TRPT1: variants seen among roughly 807,000 people sequenced by gnomAD.
TRPT1 encodes tRNA phosphotransferase 1, also known as tRNA 2'-phosphotransferase 1.
TRPT1 carries 22 observed loss-of-function variants against 28.4 expected under a neutral mutation model. The observed-to-expected ratio is 0.78, with a 90% CI of 0.55 to 1.11. The LOEUF is 1.11. TRPT1 is among the 50% of genes least tolerant of loss of function. TRPT1 has a pLI of 0.00. For missense variants in TRPT1, 308 were observed against 317.7 expected, an observed-to-expected ratio of 0.97 and a Z score of 0.23; for synonymous variants, 137 against 132.4, an observed-to-expected ratio of 1.03 and a Z score of -0.24.
chr11:64,224,922 C>A lies in TRPT1; in HGVS notation c.206G>T (p.Gly69Val). The change falls in exon 4 of 8, where the codon GGC becomes GTC. Residue 69 changes from glycine (G) to valine (V), a missense_variant. Gly to Val is a moderately radical substitution (Grantham distance 109, BLOSUM62 -3). Transcript: ENST00000317459. ...GCGCTGCACATCTTCAGCAGAGAAG[C>A]CGCGGAACTGGGGCAACTGCAGGAG... ...GTLLQLPQFR[G>V]FSAEDVQRVV... 6.3e-7 allele frequency: 1 copy of A among 1,585,552 alleles called. No individual in the cohort carries two copies. Among genetic ancestry groups the A allele is most frequent in the Non-Finnish European group, 8.6e-7 (1 of 1,166,214 alleles).
chr11:64,225,941 C>A lies in TRPT1; in HGVS notation c.-9-72G>T, dbSNP rs1946989460. On this transcript the variant is annotated intron_variant, in intron 1 of 7. Coordinates refer to ENST00000317459, the MANE Select transcript of TRPT1 (RefSeq NM_001033678.4). ...CGTCCCCATCCCTCCCAGAAAGTCA[C>A]AAAGCCTCAGGAAGTGAGCGCTGGG... is the stretch of plus-strand genomic sequence containing the variant. The A allele has an allele frequency of 4.3e-6, 4 of 931,206 alleles. 1 individual carries two copies. Among genetic ancestry groups the A allele is most frequent in the South Asian group, 4.3e-5 (3 of 70,484 alleles). The allele number at this position is 931,206 out of a possible 1,614,324, so 57.7% of individuals were successfully genotyped here.
Position 64,225,766 on chromosome 11 carries a change from G to C in TRPT1, c.75+20C>G. On this transcript the variant is annotated intron_variant, in intron 2 of 7. Transcript: ENST00000317459. Reference sequence around the variant, plus strand: ...CAGGGAGCCTGGACTGGTGGGAGGGGGTGGGGAGGAGGCGCGCACCTGTTC... The same window carrying C: ...CAGGGAGCCTGGACTGGTGGGAGGGCGTGGGGAGGAGGCGCGCACCTGTTC... 6.5e-7 allele frequency: 1 copy of C among 1,534,574 alleles called. No homozygotes were observed. The highest frequency in any genetic ancestry group is 2.0e-5 in the Admixed American group (1 of 50,736).
chr11:64,223,856 C>T lies in TRPT1; in HGVS notation c.*20G>A, dbSNP rs1403950992. ...TCTTTCTTGTTACTTTTTAAAATTT[C>T]TTTTTTATAAATTAATATTTTATTG... On this transcript the variant is annotated 3_prime_UTR_variant, in exon 8 of 8. Transcript: ENST00000317459. The T allele has an allele frequency of 6.6e-7, 1 of 1,504,926 alleles. No individual in the cohort carries two copies. The highest frequency in any genetic ancestry group is 9.0e-7 in the Non-Finnish European group (1 of 1,114,056). The allele number at this position is 1,504,926 out of a possible 1,614,324, so 93.2% of individuals were successfully genotyped here. A position where few individuals can be genotyped will look rare whatever the true frequency, so the allele number is the denominator to read the frequency against.
At chr11:64,225,454 G>C (rs751669465) in intron 3 of TRPT1, 45 bp downstream of exon 3, 3 of 1,549,254 alleles carry the variant, frequency 1.9e-6, no homozygotes, top group South Asian at 1.1e-5. Context: ...ACAGGCTCAC[G>C]TTTCTCTCTG....
intron 5 of TRPT1, 55 bp downstream of exon 5, chr11:64,224,488 G>C: frequency 6.4e-7 from 1 of 1,571,112 alleles, no homozygotes; most frequent in Non-Finnish European, 8.7e-7. Context: ...CCTTTGAAGG[G>C]GACCTGGGAG....
In TRPT1 at chr11:64,224,834, A is replaced by G. The variant is rs1946877746; in HGVS notation, c.294T>C (p.Leu98=). 3 of 1,613,710 alleles carry G rather than the reference A, an allele frequency of 1.9e-6. No homozygotes were observed. Among genetic ancestry groups the G allele is most frequent in the African/African-American group, 1.3e-5 (1 of 75,046 alleles). ...AATGGCCCTGGTTGGCCCGGATGAG[A>G]AGGCCAGTGCTGGGATCCCCCAGCT... The part of the protein sequence containing the change: ...ALQLGDPSTG[L]LIRANQGHSL... Residue 98 remains leucine, a synonymous_variant, in exon 4 of 8, where the codon CTT becomes CTC. Transcript: ENST00000317459.
rs1372757603 is a variant in TRPT1, at chr11:64,224,787, C to CA, written c.327+13_327+14insT. ...CCCTCCCATCTCGTCTCGCACTTGT[C>CA]CCCTCACCCCGACCTGCAGGGAATG... On this transcript the variant is annotated intron_variant, in intron 4 of 7. Transcript: ENST00000317459. 6.2e-7 allele frequency: 1 copy of CA among 1,613,032 alleles called. No homozygotes were observed. The highest frequency in any genetic ancestry group is 8.5e-7 in the Non-Finnish European group (1 of 1,179,410).
In TRPT1 at chr11:64,224,592, C is replaced by T. The variant is rs200750477; in HGVS notation, c.453G>A (p.Thr151=). The change falls in exon 5 of 8, where the codon ACG becomes ACA. Residue 151 remains threonine (T), a synonymous_variant. Transcript: ENST00000317459. ...LLKGLSCQGR[T]HIHLAPGLPG... ...GCAGTCCTGGGGCCAGGTGAATGTG[C>T]GTCCTTCCCTGGCAGGACAGGCCTT... 2.6e-5 allele frequency: 42 copies of T among 1,593,290 alleles called. 1 individual carries two copies. Among genetic ancestry groups the T allele is most frequent in the Non-Finnish European group, 3.2e-5 (37 of 1,168,706 alleles).
In TRPT1 at chr11:64,223,898, T is replaced by C; in HGVS notation, c.740A>G (p.Glu247Gly). The C allele has an allele frequency of 6.2e-7, 1 of 1,608,992 alleles. No individual in the cohort carries two copies. The highest frequency in any genetic ancestry group is 8.5e-7 in the Non-Finnish European group (1 of 1,177,548). Residue 247 changes from glutamate (E) to glycine (G), a missense_variant, in exon 8 of 8, where the codon GAA becomes GGA. Coordinates refer to ENST00000317459, the MANE Select transcript of TRPT1 (RefSeq NM_001033678.4). Reference sequence around the variant, plus strand: ...ATTTTATTGTTGGATCCTCCTCCTTTCTCTGGAGCTGTGCTTGGGGCTACT... The same window carrying C: ...ATTTTATTGTTGGATCCTCCTCCTTCCTCTGGAGCTGTGCTTGGGGCTACT... ...CQSSPKHSSR[E>G]RRRIQQ
At chr11:64,225,720 G>A in intron 2 of TRPT1, 66 bp downstream of exon 2, 5 of 1,415,766 alleles carry the variant, frequency 3.5e-6, no homozygotes, top group Non-Finnish European at 4.9e-6. Context: ...GGACCCTTCA[G>A]CTCCGCCCCC....
rs1406752019 is a variant in TRPT1 at position 64,225,818 on chromosome 11, T to C, written c.43A>G (p.Arg15Gly). 1.9e-6 allele frequency: 3 copies of C among 1,554,800 alleles called. No homozygotes were observed. The highest frequency in any genetic ancestry group is 1.4e-5 in the African/African-American group (1 of 73,716). ...CGGGGTCTGGGAGCCCTTCTACCCC[T>C]GGACCCTGCTGCTTCCTGCCTCCCT... ...GGGRQEAAGSRGRRAPRPREQ... is the reference protein window; with the variant it reads ...GGGRQEAAGSGGRRAPRPREQ... The change falls in exon 2 of 8, where the codon AGG becomes GGG. Residue 15 changes from arginine to glycine, a missense_variant. By Grantham distance (125) the Arg-to-Gly change is moderately radical. Coordinates refer to ENST00000317459, the MANE Select transcript of TRPT1 (RefSeq NM_001033678.4).
intron 1 of TRPT1, 29 bp from the exon 2 acceptor site, chr11:64,225,898 GCTTTAA>G: frequency 7.6e-7 from 1 of 1,317,758 alleles, no homozygotes; most frequent in Non-Finnish European, 1.1e-6. Context: ...AGGGGGGACT[GCTTTAA>G]GGCCCCTTCC....
At position 64,224,346 on chromosome 11, in the gene TRPT1, A is replaced by G. The variant is rs373880889; in HGVS notation, c.503-5T>C. On this transcript the variant is annotated splice_region_variant and splice_polypyrimidine_tract_variant and intron_variant, in intron 5 of 7. Coordinates refer to ENST00000317459, the MANE Select transcript of TRPT1 (RefSeq NM_001033678.4). ...TTTCACAATGGGACCGCATGCCTGC[A>G]GAGACAGCTGGAGCTGAGGCCTGGG... The G allele has an allele frequency of 1.2e-6, 2 of 1,613,550 alleles. No individual in the cohort carries two copies. The highest frequency in any genetic ancestry group is 2.7e-5 in the African/African-American group (2 of 74,934).
Position 64,224,844 on chromosome 11 carries a change from CTGG to C in TRPT1, c.281_283del (p.Pro94_Ser95delinsArg). 6.2e-7 allele frequency: 1 copy of C among 1,613,612 alleles called. No individual in the cohort carries two copies. Among genetic ancestry groups the C allele is most frequent in the Non-Finnish European group, 8.5e-7 (1 of 1,179,980 alleles). On this transcript the variant is annotated inframe_deletion, in exon 4 of 8. Transcript: ENST00000317459. ...GTTGGCCCGGATGAGAAGGCCAGTG[CTGG>C]GATCCCCCAGCTGCAGGGCGAACCG...
Position 64,223,952 on chromosome 11 carries a change from A to G in TRPT1, c.686T>C (p.Leu229Ser). The G allele has an allele frequency of 6.2e-7, 1 of 1,613,898 alleles. No individual in the cohort carries two copies. The highest frequency in any genetic ancestry group is 8.5e-7 in the Non-Finnish European group (1 of 1,179,828). ...QLRPTRKPLS[L>S]AGDEETECQS... is the part of the protein sequence containing the mutation. ...ACACTCTGTCTCTTCATCACCAGCC[A>G]AGGAAAGGGGCTTTCCTGATAAAGA... is the stretch of plus-strand genomic sequence containing the variant. Residue 229 changes from leucine (L) to serine (S), a missense_variant, in exon 8 of 8, where the codon TTG becomes TCG. Leu to Ser is a moderately radical substitution (Grantham distance 145, BLOSUM62 -2). Transcript: ENST00000317459.
At position 64,224,336 on chromosome 11, in the gene TRPT1, G is replaced by C; in HGVS notation, c.508C>G (p.Arg170Gly). The C allele has an allele frequency of 6.2e-7, 1 of 1,613,662 alleles. No individual in the cohort carries two copies. Among genetic ancestry groups the C allele is most frequent in the Non-Finnish European group, 8.5e-7 (1 of 1,180,022 alleles). Residue 170 changes from arginine to glycine, a missense_variant, in exon 6 of 8, where the codon CGG (arginine) becomes GGG (glycine). Arg to Gly is a moderately radical substitution (Grantham distance 125). Coordinates refer to ENST00000317459, the MANE Select transcript of TRPT1 (RefSeq NM_001033678.4). Reference sequence around the variant, plus strand: ...AACACAGCTATTTCACAATGGGACCGCATGCCTGCAGAGACAGCTGGAGCT... The same window carrying C: ...AACACAGCTATTTCACAATGGGACCCCATGCCTGCAGAGACAGCTGGAGCT... Reference protein sequence around the residue: ...PGDPGIISGMRSHCEIAVFID... With the variant: ...PGDPGIISGMGSHCEIAVFID...
chr11:64,225,023 G>T, intron 3 of TRPT1, 53 bp from the exon 4 acceptor site: 6 of 1,516,924 alleles, frequency 4.0e-6, no homozygotes, highest in Non-Finnish European at 5.3e-6. Context: ...CTGGGCCAGG[G>T]TTAACAGGGA....
chr11:64,225,909 C>G (rs1350080746), intron 1 of TRPT1, 40 bp from the exon 2 acceptor site: 2 of 1,173,696 alleles, frequency 1.7e-6, no homozygotes, highest in Non-Finnish European at 2.5e-6. Flanking sequence ...CTTTAAGGCC[C>G]CTTCCACGTC....
chr11:64,224,137 G>A lies in TRPT1; in HGVS notation c.633C>T (p.Pro211=), dbSNP rs1385916567. Residue 211 remains proline (P), a synonymous_variant, in exon 7 of 8, where the codon CCC becomes CCT. Transcript: ENST00000317459. ...GCTGCAGGGCCTCCTTGAAGTACTTGGGAAGGAGGAAGCCATCAGTATTCC... is the reference window on the plus strand; with the variant it reads ...GCTGCAGGGCCTCCTTGAAGTACTTAGGAAGGAGGAAGCCATCAGTATTCC... ...TPGNTDGFLL[P]KYFKEALQLR... 6.2e-7 allele frequency: 1 copy of A among 1,607,530 alleles called. No homozygotes were observed. Among genetic ancestry groups the A allele is most frequent in the South Asian group, 1.1e-5 (1 of 90,550 alleles).
Sources: gnomAD v4.1 joint callset for allele counts on GRCh38, gnomAD v4.1.1 for gene constraint, MANE v1.5 for transcripts, NCBI Gene and HGNC (gene_info 2026-07-23, HGNC 2026-07-21) for gene names.